The following CCDC88C variants were observed in gnomAD, a reference collection of about 807,000 sequenced individuals.
The protein encoded by CCDC88C is coiled-coil and HOOK domain protein 88C.
CCDC88C carries 131 observed loss-of-function variants against 198.8 expected under a neutral mutation model. The observed-to-expected ratio is 0.66, with a 90% confidence interval of 0.57 to 0.76. The LOEUF (loss-of-function observed/expected upper bound fraction) is 0.76. CCDC88C is among the 30% of genes least tolerant of loss of function. The probability of loss-of-function intolerance (pLI) is 0.00; values close to 1 mark genes in which losing one functional copy is unlikely to be tolerated. For missense variants in CCDC88C, 2,553 were observed against 2,631.6 expected, an observed-to-expected ratio of 0.97 and a Z score of 0.65; for synonymous variants, 1,166 against 1,114.7, an observed-to-expected ratio of 1.05 and a Z score of -0.92.
chr14:91,379,364 G>A (rs1222335520), intron 3 of CCDC88C: 2 of 155,030 alleles, frequency 1.3e-5, no homozygotes, highest in East Asian at 1.9e-4. Context: ...GGCAGAGGAT[G>A]AGGTTGCAGT....
chr14:91,293,414 A>C (rs192896120), intron 23 of CCDC88C, among the ~76,000 whole-genome samples: 6 of 12,714 alleles, frequency 4.7e-4, no homozygotes, highest in South Asian at 1.8e-3. Flanking sequence ...CTGCCCCCTC[A>C]CCTGCCACGG....
intron 2 of CCDC88C, among the ~76,000 whole-genome samples, chr14:91,409,812 C>A (rs926033300): frequency 6.6e-6 from 1 of 152,090 alleles, no homozygotes; most frequent in Non-Finnish European, 1.5e-5. Flanking sequence ...TGACTTAATT[C>A]GCCAATAAAA....
At chr14:91,367,001 G>A (rs1409462208) in intron 3 of CCDC88C, among the ~76,000 whole-genome samples, 1 of 152,240 alleles carries the variant, frequency 6.6e-6, no homozygotes, top group East Asian at 1.9e-4. Context: ...CTGTGCATGT[G>A]GCAGAGGTTA....
chr14:91,356,431 T>C (rs562744140), intron 4 of CCDC88C, among the ~76,000 whole-genome samples: 13 of 152,296 alleles, frequency 8.5e-5, no homozygotes, highest in Non-Finnish European at 1.8e-4. Flanking sequence ...CGTCCTTCAC[T>C]TTCCCAGCCC....
At position 91,313,901 on chromosome 14, in the gene CCDC88C, G is replaced by A. The variant is rs780913192; in HGVS notation, c.1915C>T (p.Arg639Ter). 6.8e-6 allele frequency: 11 copies of A among 1,610,454 alleles called. No homozygotes were observed. The highest frequency in any genetic ancestry group is 2.2e-5 in the East Asian group (1 of 44,818). Reference protein sequence around the residue: ...RAEKLERELQRLQEENGRLAR... With the variant: ...RAEKLERELQ ...AGCCTCCCGTTCTCCTCCTGGAGTCGCTGTAGCTCCCTCTCCAGCTTCTCT... is the reference window on the plus strand; with the variant it reads ...AGCCTCCCGTTCTCCTCCTGGAGTCACTGTAGCTCCCTCTCCAGCTTCTCT... The change falls in exon 15 of 30, where the codon CGA (arginine) becomes TGA (stop). Residue 639 changes from arginine to a stop codon, truncating the protein, a stop_gained. Coordinates refer to ENST00000389857, the MANE Select transcript of CCDC88C (RefSeq NM_001080414.4). LOFTEE classifies it high-confidence loss of function. The surrounding 1 kb of genome is among the most constrained non-coding windows in gnomAD (Gnocchi z 5.2).
At chr14:91,392,054 C>T (rs1447422570) in intron 3 of CCDC88C, among the ~76,000 whole-genome samples, 1 of 152,056 alleles carries the variant, frequency 6.6e-6, no homozygotes, top group African/African-American at 2.4e-5. Context: ...CACTCCCTGG[C>T]TCCATTTGGC....
At chr14:91,365,948 G>T (rs1035019640) in intron 3 of CCDC88C, among the ~76,000 whole-genome samples, 6 of 151,980 alleles carry the variant, frequency 3.9e-5, no homozygotes, top group African/African-American at 1.5e-4. Flanking sequence ...GTAGGAAATG[G>T]ATGTTGAAAA....
Position 91,279,298 on chromosome 14 carries a change from G to A in CCDC88C, c.4708C>T (p.Pro1570Ser), listed in dbSNP as rs372725492. ...VPNHRQYVSR[P>S]SSLESSRNTS... ...TTTCTACTGCTCTCTAAGCTACTTG[G>A]CCGCGACACTGAAAGGAAATGGCAG... Residue 1570 changes from proline (P) to serine (S), a missense_variant, in exon 28 of 30, where the codon CCA becomes TCA. Physicochemically the swap from Pro to Ser is moderately conservative, Grantham distance 74. This residue lies in a region of CCDC88C where 1,293 missense variants were observed against 1,219.6 expected (regional missense o/e 1.06). Coordinates refer to ENST00000389857, the MANE Select transcript of CCDC88C (RefSeq NM_001080414.4). 9.4e-6 allele frequency: 15 copies of A among 1,600,428 alleles called. No homozygotes were observed. The African/African-American group carries it at 1.7e-4, about 19-fold the overall frequency.
At chr14:91,321,892 G>A (rs1346910557) in intron 12 of CCDC88C, among the ~76,000 whole-genome samples, 1 of 152,156 alleles carries the variant, frequency 6.6e-6, no homozygotes, top group African/African-American at 2.4e-5. Flanking sequence ...AATTCTAAAT[G>A]AGATGAAAAA....
At chr14:91,291,708 C>T (rs1379662159) in intron 23 of CCDC88C, among the ~76,000 whole-genome samples, 2 of 152,092 alleles carry the variant, frequency 1.3e-5, no homozygotes, top group Admixed American at 1.3e-4. Context: ...AACCAGGGCA[C>T]AGTGGGGCGG....
chr14:91,344,550 C>T (rs907938800), intron 4 of CCDC88C, among the ~76,000 whole-genome samples: 5 of 150,400 alleles, frequency 3.3e-5, no homozygotes, highest in South Asian at 2.1e-4. Context: ...CTCGCTCTGT[C>T]GCCCAGGCTT....
chr14:91,317,468 C>A (rs1322930915), intron 13 of CCDC88C, among the ~76,000 whole-genome samples: 2 of 152,240 alleles, frequency 1.3e-5, no homozygotes, highest in Non-Finnish European at 2.9e-5. Context: ...AGCCTGCCTC[C>A]TGCTGGTGCT....
chr14:91,326,699 G>C (rs534711930), intron 10 of CCDC88C, among the ~76,000 whole-genome samples: 8 of 152,304 alleles, frequency 5.3e-5, no homozygotes, highest in African/African-American at 9.6e-5. Context: ...AGTCAATCCT[G>C]GGTTCCAGGT....
chr14:91,334,006 CA>C (rs1567082366), intron 10 of CCDC88C, among the ~76,000 whole-genome samples: 1 of 152,232 alleles, frequency 6.6e-6, no homozygotes, highest in African/African-American at 2.4e-5. Flanking sequence ...CTAACACTAA[CA>C]TTTTATCGTA....
At chr14:91,356,329 C>G (rs1333260978) in intron 4 of CCDC88C, among the ~76,000 whole-genome samples, 1 of 152,168 alleles carries the variant, frequency 6.6e-6, no homozygotes, top group Non-Finnish European at 1.5e-5. Context: ...ACACGTTGCC[C>G]TCTGTGTGCA....
chr14:91,367,476 T>C (rs1894596282), intron 3 of CCDC88C, among the ~76,000 whole-genome samples: 1 of 152,174 alleles, frequency 6.6e-6, no homozygotes. Flanking sequence ...GACACCGTCT[T>C]CCCTGGTGCC....
At chr14:91,357,137 C>G (rs1894067927) in intron 4 of CCDC88C, among the ~76,000 whole-genome samples, 1 of 152,226 alleles carries the variant, frequency 6.6e-6, no homozygotes, top group South Asian at 2.1e-4. Flanking sequence ...CCTCTGCTTA[C>G]AGGCCAACTG....
At chr14:91,417,591 C>A in intron 1 of CCDC88C, 40 bp downstream of exon 1, 1 of 1,557,992 alleles carries the variant, frequency 6.4e-7, no homozygotes. Flanking sequence ...AGAGAGAAGC[C>A]GGTGCACCAA....
At position 91,300,090 on chromosome 14, in the gene CCDC88C, GC is replaced by G. The variant is rs752483005; in HGVS notation, c.3636-21del. The G allele has an allele frequency of 9.4e-6, 15 of 1,603,540 alleles. No individual in the cohort carries two copies. Among genetic ancestry groups the G allele is most frequent in the African/African-American group, 1.3e-5 (1 of 74,750 alleles). ...CCGTGCCTGTTGGAGGGAAGCACCTGCCGTGAGTCTGGCCAGGGCCTTCTTT... is the reference window on the plus strand; with the variant it reads ...CCGTGCCTGTTGGAGGGAAGCACCTGCGTGAGTCTGGCCAGGGCCTTCTTT... On this transcript the variant is annotated intron_variant, in intron 20 of 29. Transcript: ENST00000389857.
Sources: gnomAD v4.1 joint callset for allele counts (sites outside exome capture counted in the v4.1 genomes callset) on GRCh38, gnomAD v4.1.1 for gene constraint, gnomAD v4.1.1 regional missense constraint, Gnocchi (gnomAD v3.1) non-coding constraint, MANE v1.5 for transcripts, NCBI Gene and HGNC (gene_info 2026-07-23, HGNC 2026-07-21) for gene names.